LPCAT3: variants seen among roughly 807,000 people sequenced by gnomAD.
LPCAT3 encodes lysophospholipid acyltransferase 5.
Under a neutral mutation model 63.4 loss-of-function variants are expected in LPCAT3, and 21 were observed. The ratio of observed to expected loss-of-function variants is 0.33; its 90% CI spans 0.23 to 0.48. The LOEUF is 0.48. LPCAT3 is among the 20% of genes least tolerant of loss of function. The pLI, the probability that LPCAT3 is intolerant of heterozygous loss-of-function variation, is 0.99. For synonymous variants in LPCAT3, 242 were observed against 227.5 expected, an observed-to-expected ratio of 1.06 and a Z score of -0.58; for missense variants, 451 against 590.6, an observed-to-expected ratio of 0.76 and a Z score of 2.45.
At position 6,978,398 on chromosome 12, in the gene LPCAT3, G is replaced by A; in HGVS notation, c.983C>T (p.Pro328Leu). Residue 328 changes from proline (P) to leucine (L), a missense_variant, in exon 9 of 13, where the codon CCC (proline) becomes CTC (leucine). Around this residue, in one of 3 missense-constraint regions of LPCAT3, gnomAD observed 304 missense variants for 390.8 expected, o/e 0.78. Transcript: ENST00000261407. ...TGAGGCAATGGTGCCAGTGAAGCGG[G>A]GGTTTGTTTCAAAGAGCCACACCTT... ...NMKVWLFETN[P>L]RFTGTIASFN... 1 of 1,613,750 alleles carries A rather than the reference G, an allele frequency of 6.2e-7. No individual in the cohort carries two copies.
rs141998457 is a variant in LPCAT3 at position 7,011,812 on chromosome 12, C to T, written c.151+6462G>A. Among the ~76,000 whole-genome samples the T allele has an allele frequency of 7.2e-5, 11 of 152,274 alleles. No homozygotes were observed. The East Asian group carries it at 1.9e-3, about 27-fold the overall frequency. On this transcript the variant is annotated intron_variant, in intron 1 of 12. Coordinates refer to ENST00000261407, the MANE Select transcript of LPCAT3 (RefSeq NM_005768.6). Reference sequence around the variant, plus strand: ...AAGGGTCCTTGAAAGTCATTTAGGACAGTCTCCCTATTTTATAGCAGTAGA... The same window carrying T: ...AAGGGTCCTTGAAAGTCATTTAGGATAGTCTCCCTATTTTATAGCAGTAGA...
intron 1 of LPCAT3, among the ~76,000 whole-genome samples, chr12:6,995,121 CT>C (rs34836555): frequency 0.8 from 116,204 of 145,026 alleles, 46,440 homozygotes; most frequent in East Asian, 0.98. Context: ...CTTCTCTGGG[CT>C]TTTTTTTTTT....
At chr12:6,982,163 A>G (rs1565598416) in intron 3 of LPCAT3, among the ~76,000 whole-genome samples, 1 of 151,784 alleles carries the variant, frequency 6.6e-6, no homozygotes, top group Non-Finnish European at 1.5e-5. Context: ...CTAATTTTTA[A>G]TTTTTTTTGT....
At chr12:6,996,631 A>T (rs2138348843) in intron 1 of LPCAT3, among the ~76,000 whole-genome samples, 1 of 152,322 alleles carries the variant, frequency 6.6e-6, no homozygotes, top group South Asian at 2.1e-4. Flanking sequence ...TCAATACAAT[A>T]TTTATTAAGC....
chr12:7,016,510 C>T (rs1304474746), intron 1 of LPCAT3, among the ~76,000 whole-genome samples: 1 of 152,118 alleles, frequency 6.6e-6, no homozygotes, highest in Non-Finnish European at 1.5e-5. Flanking sequence ...CTCCTGACCT[C>T]AAGCGATCTG....
At chr12:6,998,615 A>C (rs758414821) in intron 1 of LPCAT3, among the ~76,000 whole-genome samples, 1 of 152,220 alleles carries the variant, frequency 6.6e-6, no homozygotes, top group Non-Finnish European at 1.5e-5. Flanking sequence ...ATGAGATACA[A>C]AATCTCATTA....
At chr12:6,994,949 A>C (rs2138347153) in intron 1 of LPCAT3, among the ~76,000 whole-genome samples, 1 of 152,306 alleles carries the variant, frequency 6.6e-6, no homozygotes, top group East Asian at 1.9e-4. Context: ...ACTCTCAAGT[A>C]ACTTAATATA....
intron 1 of LPCAT3, among the ~76,000 whole-genome samples, chr12:7,010,377 A>G (rs781961735): frequency 4.6e-5 from 7 of 152,260 alleles, no homozygotes; most frequent in African/African-American, 1.7e-4. Context: ...GCCCAGCTAA[A>G]ATGTCACTTT....
rs34888058 is a variant in LPCAT3 at position 6,983,131 on chromosome 12, C to CT, written c.259+300dup. The CT allele has an allele frequency of 3.6e-3, 1,768 of 491,090 alleles. 25 individuals are homozygous for CT. Among genetic ancestry groups the CT allele is most frequent in the South Asian group, 0.024 (1,331 of 55,672 alleles). The allele number at this position is 491,090 out of a possible 1,614,324, so 30.4% of individuals were successfully genotyped here. A position where few individuals can be genotyped will look rare whatever the true frequency, so the allele number is the denominator to read the frequency against. On this transcript the variant is annotated intron_variant, in intron 2 of 12. Transcript: ENST00000261407. The stretch of plus-strand genomic sequence containing the variant: ...TGAATGTCTGAAGTGAAGAATGAAT[C>CT]TAAGTGGGGACTGCTTGGCTCGGTC...
Position 6,978,386 on chromosome 12 carries a change from C to T in LPCAT3, c.995G>A (p.Gly332Asp). The T allele has an allele frequency of 5.0e-6, 8 of 1,613,588 alleles. No individual in the cohort carries two copies. Among genetic ancestry groups the T allele is most frequent in the East Asian group, 2.2e-5 (1 of 44,880 alleles). Residue 332 changes from glycine (G) to aspartate (D), a missense_variant, in exon 9 of 13, where the codon GGC becomes GAC. Coordinates refer to ENST00000261407, the MANE Select transcript of LPCAT3 (RefSeq NM_005768.6). ...GTTGATGTTGAATGAGGCAATGGTG[C>T]CAGTGAAGCGGGGGTTTGTTTCAAA... ...WLFETNPRFT[G>D]TIASFNINTN... is the part of the protein sequence containing the mutation.
chr12:6,977,408 T>G lies in LPCAT3; in HGVS notation c.1306A>C (p.Met436Leu), dbSNP rs2138326429. 3 of 1,614,196 alleles carry G rather than the reference T, an allele frequency of 1.9e-6. No homozygotes were observed. Among genetic ancestry groups the G allele is most frequent in the Middle Eastern group, 3.3e-4 (2 of 6,062 alleles). ...CACGTGAAGAGGCAGAAGGCAGTCA[T>G]GGAGTAACCCATGAAGAGCCAGTGG... Reference protein sequence around the residue: ...TIHWLFMGYSMTAFCLFTWDK... With the variant: ...TIHWLFMGYSLTAFCLFTWDK... Residue 436 changes from methionine to leucine, a missense_variant, in exon 11 of 13, where the codon ATG (methionine) becomes CTG (leucine). Transcript: ENST00000261407. This position sits in a 1 kb window ranked among gnomAD's most constrained non-coding sequence, Gnocchi z 4.5.
At chr12:6,985,835 G>A (rs1300373909) in intron 1 of LPCAT3, among the ~76,000 whole-genome samples, 7 of 148,014 alleles carry the variant, frequency 4.7e-5, no homozygotes, top group African/African-American at 1.0e-4. Context: ...GCAATGGCAC[G>A]ATCTTGGCAG....
chr12:6,980,800 G>T, intron 6 of LPCAT3: 1 of 415,598 alleles, frequency 2.4e-6, no homozygotes, highest in Non-Finnish European at 4.2e-6. Context: ...TTTTATGTTT[G>T]TACTAGTGTT....
intron 6 of LPCAT3, chr12:6,980,581 A>G (rs1555153947): frequency 6.5e-6 from 1 of 152,884 alleles, no homozygotes; most frequent in East Asian, 1.9e-4. Context: ...TCTAGAACTC[A>G]CGGGCTCAAG....
chr12:7,015,171 TAAA>T (rs1228324085), intron 1 of LPCAT3, among the ~76,000 whole-genome samples: 1 of 152,094 alleles, frequency 6.6e-6, no homozygotes, highest in Non-Finnish European at 1.5e-5. Flanking sequence ...AGAACTGAAG[TAAA>T]AAAAGTAAGA....
chr12:6,999,853 C>T (rs782279738), intron 1 of LPCAT3, among the ~76,000 whole-genome samples: 2 of 150,552 alleles, frequency 1.3e-5, no homozygotes, highest in East Asian at 3.9e-4. Context: ...ATTATCTGGG[C>T]TTTGGAATCA....
At position 6,981,090 on chromosome 12, in the gene LPCAT3, G is replaced by C; in HGVS notation, c.591C>G (p.Phe197Leu). ...TCATTGAGAACTGGGGCCCTACCAA[G>C]AAGGCCCCATAGAAGTAGGAGAAAC... is the stretch of plus-strand genomic sequence containing the variant. ...VAGFSYFYGA[F>L]LVGPQFSMNH... Residue 197 changes from phenylalanine to leucine, a missense_variant, in exon 6 of 13, where the codon TTC (phenylalanine) becomes TTG (leucine). Physicochemically the swap from Phe to Leu is conservative, Grantham distance 22. This residue lies in a region of LPCAT3 where 304 missense variants were observed against 390.8 expected (regional missense o/e 0.78). Coordinates refer to ENST00000261407, the MANE Select transcript of LPCAT3 (RefSeq NM_005768.6). 1 of 1,613,912 alleles carries C rather than the reference G, an allele frequency of 6.2e-7. No homozygotes were observed. Among genetic ancestry groups the C allele is most frequent in the Non-Finnish European group, 8.5e-7 (1 of 1,179,832 alleles).
intron 1 of LPCAT3, chr12:7,001,296 A>G (rs1555156483): frequency 1.0e-5 from 4 of 385,722 alleles, no homozygotes; most frequent in African/African-American, 2.1e-5. Context: ...ATATTTTTGT[A>G]AAACTTATAG....
At chr12:6,979,716 A>G in intron 6 of LPCAT3, 137 bp from the exon 7 acceptor site, 2 of 640,670 alleles carry the variant, frequency 3.1e-6, no homozygotes, top group Admixed American at 2.6e-5. Context: ...CTGCTGCCCA[A>G]AGTGTTTCCT....
Sources: gnomAD v4.1 joint callset for allele counts (sites outside exome capture counted in the v4.1 genomes callset) on GRCh38, gnomAD v4.1.1 for gene constraint, gnomAD v4.1.1 regional missense constraint, Gnocchi (gnomAD v3.1) non-coding constraint, MANE v1.5 for transcripts, NCBI Gene and HGNC (gene_info 2026-07-23, HGNC 2026-07-21) for gene names.